Variants in STARD13 observed in about 807,000 individuals in gnomAD.
The protein encoded by STARD13 is stAR-related lipid transfer protein 13.
STARD13 carries 62 observed loss-of-function variants against 106.4 expected under a neutral mutation model. The observed-to-expected ratio is 0.58, with a 90% CI of 0.48 to 0.72. The LOEUF is 0.72. Ranked by LOEUF, STARD13 falls within the 30% of genes least tolerant of loss-of-function variation. The probability of loss-of-function intolerance (pLI) is 0.00; values close to 1 mark genes in which losing one functional copy is unlikely to be tolerated. For missense variants in STARD13, 1,387 were observed against 1,424.0 expected, an observed-to-expected ratio of 0.97 and a Z score of 0.42; for synonymous variants, 565 against 553.0, an observed-to-expected ratio of 1.02 and a Z score of -0.31.
the STARD13 span, among the ~76,000 whole-genome samples, chr13:33,535,886 T>C: frequency 6.6e-6 from 1 of 152,190 alleles, no homozygotes; most frequent in African/African-American, 2.4e-5. Flanking sequence ...CAAGGCGAGA[T>C]GGCAGTCCGA....
intron 7 of STARD13, among the ~76,000 whole-genome samples, chr13:33,125,665 GAATT>G: frequency 7.0e-6 from 1 of 143,642 alleles, no homozygotes; most frequent in Middle Eastern, 3.5e-3. Context: ...GAAAAAAAAA[GAATT>G]AATAAAAGGA....
chr13:33,514,115 T>C, the STARD13 span, among the ~76,000 whole-genome samples: 35 of 152,156 alleles, frequency 2.3e-4, no homozygotes, highest in Non-Finnish European at 4.9e-4. Context: ...CTGACATCAG[T>C]AGATGGAAGG....
At chr13:33,543,917 A>T in the STARD13 span, among the ~76,000 whole-genome samples, 1 of 152,252 alleles carries the variant, frequency 6.6e-6, no homozygotes, top group African/African-American at 2.4e-5. Context: ...AGCCTGCACA[A>T]GTTAGTAGTC....
intron 1 of STARD13, among the ~76,000 whole-genome samples, chr13:33,226,075 G>A (rs1484461672): frequency 6.6e-6 from 1 of 152,206 alleles, no homozygotes; most frequent in Admixed American, 6.5e-5. Flanking sequence ...CAGCAAGAAG[G>A]CGGCCATCTG....
chr13:33,618,668 G>GA, the STARD13 span, among the ~76,000 whole-genome samples: 1 of 152,028 alleles, frequency 6.6e-6, no homozygotes, highest in Non-Finnish European at 1.5e-5. Flanking sequence ...AAACTGGAGA[G>GA]AAAAAAACTG....
intron 3 of STARD13, chr13:33,155,682 A>G (rs1436297273): frequency 6.6e-6 from 1 of 152,188 alleles, no homozygotes; most frequent in Non-Finnish European, 1.5e-5. Flanking sequence ...AAAATAATAT[A>G]TACTAGCAAA....
chr13:33,205,884 A>G (rs1343418904), intron 1 of STARD13: 3 of 985,092 alleles, frequency 3.0e-6, no homozygotes, highest in South Asian at 4.7e-5. Context: ...TCTTCAATTC[A>G]TTTTCAGCTT....
chr13:33,301,946 C>A (rs1349764004), intron 1 of STARD13, among the ~76,000 whole-genome samples: 11 of 152,088 alleles, frequency 7.2e-5, no homozygotes, highest in Non-Finnish European at 4.4e-5. Flanking sequence ...ATAGCCCTTC[C>A]TTCATATACT....
chr13:33,126,063 G>T lies in STARD13; in HGVS notation c.2082+18C>A, dbSNP rs774590949. The T allele has an allele frequency of 7.4e-6, 12 of 1,611,612 alleles. No homozygotes were observed. Among genetic ancestry groups the T allele is most frequent in the Non-Finnish European group, 1.0e-5 (12 of 1,178,700 alleles). On this transcript the variant is annotated intron_variant, in intron 7 of 13. Transcript: ENST00000336934. ...GGTTGGGGGTGGTGGGGCAGCAGCGGGGGGGTTACAGCCCTACCTGATCGA... is the reference window on the plus strand; with the variant it reads ...GGTTGGGGGTGGTGGGGCAGCAGCGTGGGGGTTACAGCCCTACCTGATCGA...
chr13:33,324,765 C>A (rs1893679041), intron 1 of STARD13, among the ~76,000 whole-genome samples: 1 of 152,120 alleles, frequency 6.6e-6, no homozygotes, highest in South Asian at 2.1e-4. Context: ...ATCAAGAAAA[C>A]CACTTTCATC....
the STARD13 span, among the ~76,000 whole-genome samples, chr13:33,481,326 G>A: frequency 4.2e-3 from 646 of 152,036 alleles, 4 homozygotes; most frequent in Non-Finnish European, 5.8e-3. Flanking sequence ...TCTAGGCATC[G>A]AATGACTCCA....
At chr13:33,247,731 A>C (rs1255560648) in intron 1 of STARD13, among the ~76,000 whole-genome samples, 1 of 152,172 alleles carries the variant, frequency 6.6e-6, no homozygotes, top group Non-Finnish European at 1.5e-5. Flanking sequence ...AAGTGCTGGA[A>C]CCGTGATTCA....
At chr13:33,411,295 T>C in the STARD13 span, among the ~76,000 whole-genome samples, 1 of 152,152 alleles carries the variant, frequency 6.6e-6, no homozygotes, top group Non-Finnish European at 1.5e-5. Flanking sequence ...GCAGAAACTG[T>C]TTCCACCCTT....
the STARD13 span, among the ~76,000 whole-genome samples, chr13:33,370,918 G>A: frequency 5.3e-5 from 8 of 152,044 alleles, no homozygotes; most frequent in South Asian, 2.1e-4. Context: ...ACCGCTCCCA[G>A]CCACTTTGAC....
the STARD13 span, among the ~76,000 whole-genome samples, chr13:33,425,432 G>T: frequency 2.0e-5 from 3 of 152,178 alleles, no homozygotes; most frequent in Non-Finnish European, 4.4e-5. Context: ...AAGGGCCAGG[G>T]TGCTCTTTCT....
intron 4 of STARD13, among the ~76,000 whole-genome samples, chr13:33,134,385 G>T (rs1228321580): frequency 6.6e-6 from 1 of 152,210 alleles, no homozygotes; most frequent in Admixed American, 6.5e-5. Context: ...GTGAGCCATG[G>T]GTTGGACAAG....
At chr13:33,372,249 T>C in the STARD13 span, among the ~76,000 whole-genome samples, 32 of 152,312 alleles carry the variant, frequency 2.1e-4, no homozygotes, top group African/African-American at 7.5e-4. Flanking sequence ...GGAGTCATAA[T>C]GAAGGGCTAA....
chr13:33,615,285 G>C, the STARD13 span, among the ~76,000 whole-genome samples: 1 of 152,116 alleles, frequency 6.6e-6, no homozygotes, highest in Non-Finnish European at 1.5e-5. Context: ...TGGGGACTGT[G>C]GGCAGAAGCC....
intron 4 of STARD13, among the ~76,000 whole-genome samples, chr13:33,131,446 T>C (rs1341828821): frequency 7.0e-6 from 1 of 143,412 alleles, no homozygotes; most frequent in Non-Finnish European, 1.5e-5. Context: ...TTTTTTTTTT[T>C]CAGCTTAGAA....
Sources: gnomAD v4.1 joint callset for allele counts (sites outside exome capture counted in the v4.1 genomes callset) on GRCh38, gnomAD v4.1.1 for gene constraint, MANE v1.5 for transcripts, NCBI Gene and HGNC (gene_info 2026-07-23, HGNC 2026-07-21) for gene names.